PIK3C3: variants seen among roughly 807,000 people sequenced by gnomAD.
PIK3C3 encodes the protein PI3-kinase type 3.
A neutral mutation model predicts 126.1 loss-of-function variants in PIK3C3; 95 were observed. The observed-to-expected ratio is 0.75, with a 90% CI of 0.64 to 0.89. The LOEUF (loss-of-function observed/expected upper bound fraction) is 0.89. Ranked by LOEUF, PIK3C3 falls within the 40% of genes least tolerant of loss-of-function variation. The pLI is 0.00. For missense variants in PIK3C3, 829 were observed against 1,063.2 expected, an observed-to-expected ratio of 0.78 and a Z score of 3.06; for synonymous variants, 374 against 360.0, an observed-to-expected ratio of 1.04 and a Z score of -0.44.
At chr18:42,000,113 G>T (rs1982214325) in intron 9 of PIK3C3, among the ~76,000 whole-genome samples, 1 of 152,150 alleles carries the variant, frequency 6.6e-6, no homozygotes, top group African/African-American at 2.4e-5. Flanking sequence ...GACTGCAATG[G>T]CATGATCTCG....
chr18:42,047,967 G>A (rs12966303), intron 20 of PIK3C3, among the ~76,000 whole-genome samples: 35,812 of 152,010 alleles, frequency 0.24, 4,578 homozygotes, highest in South Asian at 0.4. Context: ...ATTCAACCCT[G>A]CCATTGTAAT....
At chr18:42,066,290 A>G (rs1985535290) in intron 23 of PIK3C3, among the ~76,000 whole-genome samples, 1 of 152,188 alleles carries the variant, frequency 6.6e-6, no homozygotes, top group Non-Finnish European at 1.5e-5. Flanking sequence ...CAGTGAAGAG[A>G]CAAGGGCACT....
At chr18:42,063,871 C>G (rs1985425783) in intron 22 of PIK3C3, among the ~76,000 whole-genome samples, 1 of 152,132 alleles carries the variant, frequency 6.6e-6, no homozygotes. Context: ...AGCTAAAACC[C>G]TTCATTGCCT....
At chr18:42,021,974 G>A (rs994225021) in intron 13 of PIK3C3, among the ~76,000 whole-genome samples, 2 of 152,168 alleles carry the variant, frequency 1.3e-5, no homozygotes, top group African/African-American at 2.4e-5. Flanking sequence ...CTTTTTGTGA[G>A]AAAATTATAC....
At chr18:42,070,782 T>A (rs1804648593) in intron 24 of PIK3C3, among the ~76,000 whole-genome samples, 1 of 152,210 alleles carries the variant, frequency 6.6e-6, no homozygotes, top group African/African-American at 2.4e-5. Context: ...TTAGGGATGG[T>A]TACATTGTGA....
rs1046328451 is a variant in PIK3C3 at position 42,064,341 on chromosome 18, G to A, written c.2433-399G>A. 5.3e-5 allele frequency among the ~76,000 whole-genome samples: 8 copies of A among 152,070 alleles called. No individual in the cohort carries two copies. The South Asian group carries it at 6.2e-4, about 12-fold the overall frequency. On this transcript the variant is annotated intron_variant, in intron 22 of 24. Coordinates refer to ENST00000262039, the MANE Select transcript of PIK3C3 (RefSeq NM_002647.4). The stretch of plus-strand genomic sequence containing the variant: ...CATTCATTTAGCCATGACACACTGA[G>A]GTCATCTTAAAGTAGCAGATTGTTA...
At chr18:42,067,556 G>C in intron 24 of PIK3C3, 43 bp downstream of exon 24, 1 of 1,609,272 alleles carries the variant, frequency 6.2e-7, no homozygotes, top group Non-Finnish European at 8.5e-7. Flanking sequence ...CCTTCTCCGT[G>C]TACTGCCCCA....
chr18:42,029,708 A>C (rs557452903), intron 15 of PIK3C3, among the ~76,000 whole-genome samples: 1 of 151,434 alleles, frequency 6.6e-6, no homozygotes, highest in Non-Finnish European at 1.5e-5. Flanking sequence ...ATGCCCAGCT[A>C]ATTTTTCTAT....
At chr18:42,013,113 CTTTTT>C (rs67564071) in intron 10 of PIK3C3, among the ~76,000 whole-genome samples, 5 of 136,822 alleles carry the variant, frequency 3.7e-5, no homozygotes, top group Admixed American at 1.5e-4. Flanking sequence ...ATCCTTCCCA[CTTTTT>C]TTTTTTTTTT....
intron 3 of PIK3C3, among the ~76,000 whole-genome samples, chr18:41,963,498 G>A (rs955550660): frequency 1.3e-5 from 2 of 152,172 alleles, no homozygotes; most frequent in Non-Finnish European, 2.9e-5. Context: ...TACACTACTA[G>A]TGATTGGTAG....
intron 6 of PIK3C3, among the ~76,000 whole-genome samples, chr18:41,991,146 T>G (rs1981756470): frequency 6.6e-6 from 1 of 152,132 alleles, no homozygotes; most frequent in Non-Finnish European, 1.5e-5. Flanking sequence ...TGTACCTACT[T>G]GAAAGTATCT....
chr18:41,993,353 T>A lies in PIK3C3; in HGVS notation c.786+12T>A. On this transcript the variant is annotated intron_variant, in intron 7 of 24. Coordinates refer to ENST00000262039, the MANE Select transcript of PIK3C3 (RefSeq NM_002647.4). Reference sequence around the variant, plus strand: ...CCCAGATGTCTATGGTAAGTTATTGTGCAATTTTTTTATGAAAGTACTTTT... The same window carrying A: ...CCCAGATGTCTATGGTAAGTTATTGAGCAATTTTTTTATGAAAGTACTTTT... The A allele has an allele frequency of 1.9e-6, 3 of 1,563,016 alleles. No individual in the cohort carries two copies. The highest frequency in any genetic ancestry group is 2.6e-6 in the Non-Finnish European group (3 of 1,138,634).
intron 3 of PIK3C3, among the ~76,000 whole-genome samples, chr18:41,966,324 C>T (rs571196654): frequency 3.9e-5 from 6 of 152,024 alleles, no homozygotes; most frequent in African/African-American, 1.4e-4. Context: ...CCCATGCCAC[C>T]GTGCCCAGCT....
chr18:41,965,265 C>T (rs1980297972), intron 3 of PIK3C3, among the ~76,000 whole-genome samples: 1 of 152,178 alleles, frequency 6.6e-6, no homozygotes, highest in Non-Finnish European at 1.5e-5. Flanking sequence ...GAGGTTCCCT[C>T]ATAAAAACAC....
chr18:42,024,724 C>T (rs1291546353), intron 13 of PIK3C3, among the ~76,000 whole-genome samples: 1 of 152,052 alleles, frequency 6.6e-6, no homozygotes, highest in Non-Finnish European at 1.5e-5. Context: ...TGTGAACCAC[C>T]ACACCTGGCA....
chr18:41,987,954 A>C, intron 5 of PIK3C3, 56 bp downstream of exon 5: 1 of 1,058,204 alleles, frequency 9.4e-7, no homozygotes, highest in Non-Finnish European at 1.4e-6. Flanking sequence ...TTAAATTAAC[A>C]ATTTTTTGAT....
intron 24 of PIK3C3, 90 bp downstream of exon 24, chr18:42,067,603 G>T: frequency 1.4e-6 from 2 of 1,390,872 alleles, no homozygotes. Context: ...CCTGCCAGTT[G>T]ACATCTTTTC....
intron 16 of PIK3C3, among the ~76,000 whole-genome samples, chr18:42,035,033 C>T (rs556824716): frequency 6.6e-6 from 1 of 152,240 alleles, no homozygotes; most frequent in South Asian, 2.1e-4. Flanking sequence ...TATTCTGTTG[C>T]TTTAATTTTT....
chr18:41,969,510 T>C (rs1174829268), intron 3 of PIK3C3, among the ~76,000 whole-genome samples: 1 of 152,198 alleles, frequency 6.6e-6, no homozygotes, highest in Non-Finnish European at 1.5e-5. Context: ...TTATATATTG[T>C]TTCACTTTGA....
Sources: gnomAD v4.1 joint callset for allele counts (sites outside exome capture counted in the v4.1 genomes callset) on GRCh38, gnomAD v4.1.1 for gene constraint, MANE v1.5 for transcripts, NCBI Gene and HGNC (gene_info 2026-07-23, HGNC 2026-07-21) for gene names.